Variants in BNIP1 observed in about 807,000 individuals in gnomAD.
BNIP1 encodes vesicle transport protein SEC20.
Under a neutral mutation model 28.5 loss-of-function variants are expected in BNIP1, and 25 were observed. That is an observed-to-expected ratio of 0.88 (90% CI 0.64 to 1.23). BNIP1 has a LOEUF of 1.23. Among genes scored for constraint, BNIP1 ranks in the 50% most tolerant of loss-of-function variants. BNIP1 has a pLI of 0.00. For synonymous variants in BNIP1, 118 were observed against 101.7 expected (o/e 1.16, Z -0.96); for missense variants, 276 against 277.0 (o/e 1.00, Z 0.02).
At chr5:173,153,759 A>G (rs1760096777) in intron 2 of BNIP1, among the ~76,000 whole-genome samples, 2 of 151,926 alleles carry the variant, frequency 1.3e-5, no homozygotes, top group Admixed American at 6.6e-5. Context: ...TGTGTCTGTA[A>G]CCTTTCGTGG....
chr5:173,160,634 C>A (rs1215260421), intron 5 of BNIP1, among the ~76,000 whole-genome samples: 3 of 152,170 alleles, frequency 2.0e-5, no homozygotes, highest in African/African-American at 7.2e-5. Context: ...CAGCCCCTCT[C>A]CTAGAGAGGG....
Position 173,158,725 on chromosome 5 carries a change from GT to G in BNIP1, c.270-18del. ...CTTGGTGGAGTGGACACACTCACAC[GT>G]GAACCTTCCAATTCCAGCAATCAGG... On this transcript the variant is annotated intron_variant, in intron 3 of 5. Coordinates refer to ENST00000351486, the MANE Select transcript of BNIP1 (RefSeq NM_001205.3). 4.4e-6 allele frequency: 7 copies of G among 1,601,388 alleles called. No homozygotes were observed. Among genetic ancestry groups the G allele is most frequent in the Non-Finnish European group, 6.0e-6 (7 of 1,169,872 alleles).
chr5:173,149,225 G>A (rs1306388616), intron 2 of BNIP1, among the ~76,000 whole-genome samples: 1 of 152,156 alleles, frequency 6.6e-6, no homozygotes, highest in African/African-American at 2.4e-5. Flanking sequence ...AAAGACATAC[G>A]TGAGACTGGG....
intron 2 of BNIP1, among the ~76,000 whole-genome samples, chr5:173,148,314 A>G (rs1314468092): frequency 6.6e-6 from 1 of 151,404 alleles, no homozygotes. Flanking sequence ...CAAGTTCAGA[A>G]TCTAGATCAG....
At chr5:173,159,013 T>C (rs1259455560) in intron 4 of BNIP1, among the ~76,000 whole-genome samples, 168 bp downstream of exon 4, 1 of 152,150 alleles carries the variant, frequency 6.6e-6, no homozygotes, top group Non-Finnish European at 1.5e-5. Flanking sequence ...TAAAATAAAG[T>C]ATGAATTACA....
chr5:173,146,747 A>T (rs1367837104), intron 1 of BNIP1, 119 bp from the exon 2 acceptor site: 9 of 622,770 alleles, frequency 1.4e-5, no homozygotes, highest in Non-Finnish European at 2.3e-5. Flanking sequence ...AAAGATCAGG[A>T]TGAATTATAG....
intron 3 of BNIP1, among the ~76,000 whole-genome samples, chr5:173,156,052 G>C (rs1043414348): frequency 6.6e-6 from 1 of 152,208 alleles, no homozygotes; most frequent in Admixed American, 6.5e-5. Flanking sequence ...ACAGTCAGCT[G>C]TCAGGAAGAC....
intron 2 of BNIP1, among the ~76,000 whole-genome samples, chr5:173,148,130 A>T (rs1759916845): frequency 9.7e-6 from 1 of 102,722 alleles, no homozygotes; most frequent in Non-Finnish European, 1.9e-5. Context: ...ATATATATAT[A>T]TATATATTTT....
intron 2 of BNIP1, chr5:173,151,736 C>G (rs776121302): frequency 1.8e-5 from 29 of 1,608,956 alleles, no homozygotes; most frequent in Non-Finnish European, 2.4e-5. Flanking sequence ...GGGTGCCCAC[C>G]CAGTGTTTAT....
chr5:173,155,672 G>A (rs551090190), intron 3 of BNIP1, among the ~76,000 whole-genome samples: 1 of 151,926 alleles, frequency 6.6e-6, no homozygotes, highest in Non-Finnish European at 1.5e-5. Flanking sequence ...CAGCCTGGGT[G>A]ACAGAGTGAG....
Position 173,144,796 on chromosome 5 carries a change from T to A in BNIP1, c.84+167T>A, listed in dbSNP as rs5745101. 4.3e-3 allele frequency among the ~76,000 whole-genome samples: 659 copies of A among 152,278 alleles called. 4 individuals carry two copies. Among genetic ancestry groups the A allele is most frequent in the African/African-American group, 0.015 (605 of 41,556 alleles). ...CGGTCCCCATTTGGTTGTGTCCCGG[T>A]GACTGCTGGCCTTGATCCTTTTTCC... On this transcript the variant is annotated intron_variant, in intron 1 of 5. Coordinates refer to ENST00000351486, the MANE Select transcript of BNIP1 (RefSeq NM_001205.3).
chr5:173,153,283 A>G (rs1272518421), intron 2 of BNIP1, among the ~76,000 whole-genome samples: 1 of 150,892 alleles, frequency 6.6e-6, no homozygotes, highest in Non-Finnish European at 1.5e-5. Context: ...GCTGGAGTGC[A>G]GTGGCGCAGT....
At chr5:173,159,292 G>A (rs1053794783) in intron 4 of BNIP1, among the ~76,000 whole-genome samples, 1 of 152,134 alleles carries the variant, frequency 6.6e-6, no homozygotes, top group Non-Finnish European at 1.5e-5. Flanking sequence ...ACCCACCCCA[G>A]CCTCCCAAAG....
At chr5:173,159,592 A>G (rs1236221574) in intron 4 of BNIP1, among the ~76,000 whole-genome samples, 1 of 152,122 alleles carries the variant, frequency 6.6e-6, no homozygotes, top group Non-Finnish European at 1.5e-5. Context: ...TAGTGTAAGT[A>G]ATACACCAGG....
chr5:173,153,522 C>T (rs371045414), intron 2 of BNIP1, among the ~76,000 whole-genome samples: 5 of 152,134 alleles, frequency 3.3e-5, no homozygotes, highest in East Asian at 3.9e-4. Flanking sequence ...CCACTGCGCC[C>T]GGCCGAGAAC....
chr5:173,153,051 T>C (rs1365792539), intron 2 of BNIP1, among the ~76,000 whole-genome samples: 1 of 151,966 alleles, frequency 6.6e-6, no homozygotes, highest in Admixed American at 6.6e-5. Flanking sequence ...TCTGGGTATG[T>C]CTGCTGACCC....
chr5:173,157,315 G>A (rs955162916), intron 3 of BNIP1, among the ~76,000 whole-genome samples: 3 of 152,176 alleles, frequency 2.0e-5, no homozygotes, highest in East Asian at 3.9e-4. Flanking sequence ...CCAGAGATTA[G>A]CACAATTGGT....
At position 173,144,593 on chromosome 5, in the gene BNIP1, T is replaced by G. The variant is rs369298286; in HGVS notation, c.48T>G (p.Ile16Met). The G allele has an allele frequency of 1.9e-6, 3 of 1,614,032 alleles. No homozygotes were observed. The highest frequency in any genetic ancestry group is 4.5e-5 in the East Asian group (2 of 44,890). ...ACGTCCGGATCTGTAACCAAGAGAT[T>G]GTCAAATTTGACCTGGAGGTGAAGG... The part of the protein sequence containing the change: ...DVHVRICNQE[I>M]VKFDLEVKAL... Residue 16 changes from isoleucine (I) to methionine (M), a missense_variant, in exon 1 of 6, where the codon ATT becomes ATG. Ile to Met is a conservative substitution (Grantham distance 10, BLOSUM62 1). Transcript: ENST00000351486.
chr5:173,146,081 C>A (rs1450523661), intron 1 of BNIP1, among the ~76,000 whole-genome samples: 1 of 152,202 alleles, frequency 6.6e-6, no homozygotes, highest in Admixed American at 6.5e-5. Flanking sequence ...CATTTGGGTT[C>A]TTGTCATTGC....
Sources: allele counts gnomAD v4.1 joint callset (sites outside exome capture counted in the v4.1 genomes callset), GRCh38; gene constraint gnomAD v4.1.1; transcripts MANE v1.5; gene names NCBI Gene and HGNC (gene_info 2026-07-23, HGNC 2026-07-21).